AUTS2: variants seen among roughly 807,000 people sequenced by gnomAD.
AUTS2 encodes activator of transcription and developmental regulator AUTS2, also known as autism susceptibility gene 2 protein.
Under a neutral mutation model 112.4 loss-of-function variants are expected in AUTS2, and 17 were observed. The ratio of observed to expected loss-of-function variants is 0.15; its 90% CI spans 0.10 to 0.23. The LOEUF is 0.23. AUTS2 is among the 10% of genes least tolerant of loss of function. AUTS2 has a pLI of 1.00. For missense variants in AUTS2, 1,510 were observed against 1,701.6 expected, an observed-to-expected ratio of 0.89 and a Z score of 1.98; for synonymous variants, 751 against 702.7, an observed-to-expected ratio of 1.07 and a Z score of -1.09.
intron 5 of AUTS2, among the ~76,000 whole-genome samples, chr7:70,452,742 G>A (rs1242960521): frequency 5.9e-5 from 9 of 152,122 alleles, no homozygotes; most frequent in Admixed American, 5.9e-4. Context: ...GTTCCCTGTG[G>A]CAAGAGAATC....
At chr7:70,048,783 T>C (rs2129558886) in intron 2 of AUTS2, among the ~76,000 whole-genome samples, 1 of 152,330 alleles carries the variant, frequency 6.6e-6, no homozygotes, top group African/African-American at 2.4e-5. Context: ...CAATGTGTAT[T>C]GTTTGTGGAA....
At chr7:69,889,804 G>A (rs1230911942) in intron 1 of AUTS2, among the ~76,000 whole-genome samples, 1 of 152,206 alleles carries the variant, frequency 6.6e-6, no homozygotes, top group African/African-American at 2.4e-5. Context: ...TCTTTCTTCA[G>A]TTAGCATACC....
rs572941087 is a variant in AUTS2, at chr7:69,978,909, C to T, written c.522+79411C>T. Among the ~76,000 whole-genome samples, 545 of 151,292 alleles carry T rather than the reference C, an allele frequency of 3.6e-3. 3 individuals carry two copies. The highest frequency in any genetic ancestry group is 7.1e-3 in the Admixed American group (108 of 15,174). On this transcript the variant is annotated intron_variant, in intron 2 of 18. Transcript: ENST00000342771. ...ACACACACACACACACACGCACACACGCACACACACACGCACACACACCCA... is the reference window on the plus strand; with the variant it reads ...ACACACACACACACACACGCACACATGCACACACACACGCACACACACCCA...
At chr7:70,335,671 G>A (rs1365350285) in intron 4 of AUTS2, among the ~76,000 whole-genome samples, 1 of 152,224 alleles carries the variant, frequency 6.6e-6, no homozygotes, top group Non-Finnish European at 1.5e-5. Flanking sequence ...TCTTGGATAA[G>A]AAGGACGTGG....
At chr7:69,798,779 C>T (rs1789959182) in intron 1 of AUTS2, among the ~76,000 whole-genome samples, 1 of 151,944 alleles carries the variant, frequency 6.6e-6, no homozygotes, top group South Asian at 2.1e-4. Context: ...CTGCTTGTGG[C>T]CAGAAGTTTG....
chr7:70,394,192 T>A (rs1793987555), intron 4 of AUTS2, among the ~76,000 whole-genome samples: 1 of 152,204 alleles, frequency 6.6e-6, no homozygotes, highest in Admixed American at 6.5e-5. Context: ...CCAAGCCTCT[T>A]TGGTACTTTT....
intron 4 of AUTS2, among the ~76,000 whole-genome samples, chr7:70,371,440 A>C (rs958797598): frequency 3.3e-5 from 5 of 152,242 alleles, no homozygotes; most frequent in African/African-American, 1.2e-4. Flanking sequence ...TGCTAACTGA[A>C]TTTGATCAAA....
intron 4 of AUTS2, among the ~76,000 whole-genome samples, chr7:70,344,068 C>G (rs1280633928): frequency 6.6e-6 from 1 of 152,074 alleles, no homozygotes; most frequent in East Asian, 1.9e-4. Context: ...GAGGGTCGTG[C>G]AGGTTCAGGA....
intron 1 of AUTS2, among the ~76,000 whole-genome samples, chr7:69,754,739 C>T (rs569012917): frequency 6.6e-6 from 1 of 152,272 alleles, no homozygotes; most frequent in African/African-American, 2.4e-5. Context: ...ATCTGCATAT[C>T]TTAGCTCATC....
chr7:70,601,093 C>G (rs1414844031), intron 5 of AUTS2, among the ~76,000 whole-genome samples: 1 of 152,176 alleles, frequency 6.6e-6, no homozygotes, highest in East Asian at 1.9e-4. Context: ...GAGGAACTCC[C>G]AGACTGTTTT....
chr7:70,360,542 C>T (rs1792213584), intron 4 of AUTS2, among the ~76,000 whole-genome samples: 1 of 152,166 alleles, frequency 6.6e-6, no homozygotes, highest in Admixed American at 6.5e-5. Flanking sequence ...TAGAAGACAA[C>T]AATAATACCT....
Position 70,785,974 on chromosome 7 carries a change from T to C in AUTS2, c.2244T>C (p.Ser748=). 2 of 1,614,048 alleles carry C rather than the reference T, an allele frequency of 1.2e-6. No individual in the cohort carries two copies. The highest frequency in any genetic ancestry group is 1.7e-6 in the Non-Finnish European group (2 of 1,179,970). Residue 748 remains serine (S), a synonymous_variant, in exon 17 of 19, where the codon TCT becomes TCC. Coordinates refer to ENST00000342771, the MANE Select transcript of AUTS2 (RefSeq NM_015570.4). The stretch of plus-strand genomic sequence containing the variant: ...TTGCAGAGCCTTTTAATCGGCCGTC[T>C]ACATTCACAGGCCTAGCAGCAGTTG... ...AAHLEPFNRP[S]TFTGLAAVGG... is the part of the protein sequence containing the mutation.
chr7:69,855,219 AAT>A (rs1207615979), intron 1 of AUTS2, among the ~76,000 whole-genome samples: 14 of 152,348 alleles, frequency 9.2e-5, no homozygotes, highest in Admixed American at 8.5e-4. Flanking sequence ...AGCAGAAGAA[AAT>A]GGCTTCAAAA....
intron 1 of AUTS2, among the ~76,000 whole-genome samples, chr7:69,723,286 A>G (rs1440723710): frequency 2.6e-5 from 4 of 152,132 alleles, no homozygotes. Context: ...AGTTTGAGCA[A>G]CCTTACATAT....
intron 1 of AUTS2, among the ~76,000 whole-genome samples, chr7:69,790,021 C>T (rs1360849520): frequency 2.0e-5 from 3 of 152,000 alleles, no homozygotes; most frequent in Non-Finnish European, 4.4e-5. Flanking sequence ...TGGATCACAC[C>T]TGTAATCCCA....
At chr7:70,345,737 C>A (rs1356184936) in intron 4 of AUTS2, among the ~76,000 whole-genome samples, 1 of 152,194 alleles carries the variant, frequency 6.6e-6, no homozygotes, top group African/African-American at 2.4e-5. Context: ...CCAAGACTCT[C>A]ATGACTTTCT....
At chr7:70,262,335 A>G (rs1584946693) in intron 4 of AUTS2, among the ~76,000 whole-genome samples, 1 of 151,998 alleles carries the variant, frequency 6.6e-6, no homozygotes, top group Non-Finnish European at 1.5e-5. Context: ...GATTACAGGC[A>G]CCTGCCACCA....
chr7:70,513,105 T>G (rs1301651450), intron 5 of AUTS2, among the ~76,000 whole-genome samples: 2 of 152,236 alleles, frequency 1.3e-5, no homozygotes, highest in Non-Finnish European at 2.9e-5. Flanking sequence ...AATACAGGAT[T>G]AGGGAGCCCT....
intron 4 of AUTS2, among the ~76,000 whole-genome samples, chr7:70,390,029 G>C (rs1309667788): frequency 6.6e-6 from 1 of 152,132 alleles, no homozygotes; most frequent in Non-Finnish European, 1.5e-5. Flanking sequence ...GAAGAGTCAG[G>C]AGTAAGAGAG....
Sources: allele counts gnomAD v4.1 joint callset (sites outside exome capture counted in the v4.1 genomes callset), GRCh38; gene constraint gnomAD v4.1.1; transcripts MANE v1.5; gene names NCBI Gene and HGNC (gene_info 2026-07-23, HGNC 2026-07-21).